HPSE2: variants seen among roughly 807,000 people sequenced by gnomAD.
The protein encoded by HPSE2 is inactive heparanase-2.
In HPSE2, 38 loss-of-function variants were observed where a neutral mutation model predicts 60.5. The ratio of observed to expected loss-of-function variants is 0.63; its 90% CI spans 0.48 to 0.82. The LOEUF is 0.82. HPSE2 is among the 40% of genes least tolerant of loss of function. The probability of loss-of-function intolerance (pLI) is 0.00; values close to 1 mark genes in which losing one functional copy is unlikely to be tolerated. For synonymous variants in HPSE2, 295 were observed against 293.2 expected (o/e 1.01, Z -0.06); for missense variants, 713 against 740.4 (o/e 0.96, Z 0.43).
At chr10:99,023,245 G>A (rs565631322) in intron 3 of HPSE2, among the ~76,000 whole-genome samples, 21 of 152,246 alleles carry the variant, frequency 1.4e-4, no homozygotes, top group African/African-American at 5.1e-4. Flanking sequence ...GGTGGCTATG[G>A]GGTGAGGCTC....
At chr10:98,653,573 C>T (rs959960523) in intron 6 of HPSE2, among the ~76,000 whole-genome samples, 9 of 151,698 alleles carry the variant, frequency 5.9e-5, no homozygotes, top group East Asian at 5.8e-4. Context: ...TAATGAATCT[C>T]GGTGTATCTT....
chr10:98,998,970 A>T (rs1222115996), intron 3 of HPSE2, among the ~76,000 whole-genome samples: 3 of 152,212 alleles, frequency 2.0e-5, no homozygotes, highest in Admixed American at 2.0e-4. Context: ...ATAAGGCTGG[A>T]ATTACATTTA....
chr10:98,476,359 A>C (rs1376972277), intron 11 of HPSE2, among the ~76,000 whole-genome samples: 4 of 147,190 alleles, frequency 2.7e-5, no homozygotes, highest in Non-Finnish European at 4.5e-5. Flanking sequence ...ATTAGGAGAT[A>C]TACCTAATGC....
chr10:99,046,085 C>T (rs1186189917), intron 3 of HPSE2, among the ~76,000 whole-genome samples: 1 of 151,914 alleles, frequency 6.6e-6, no homozygotes, highest in African/African-American at 2.4e-5. Flanking sequence ...TCCTCAATGA[C>T]ATACTAACAA....
At chr10:98,523,214 T>C (rs773424273) in intron 9 of HPSE2, among the ~76,000 whole-genome samples, 28 of 152,252 alleles carry the variant, frequency 1.8e-4, no homozygotes, top group South Asian at 4.1e-4. Context: ...ACTTTGCCAA[T>C]TTATATTCTT....
chr10:98,816,394 A>AT (rs1951290853), intron 3 of HPSE2, among the ~76,000 whole-genome samples: 3 of 152,176 alleles, frequency 2.0e-5, no homozygotes, highest in African/African-American at 7.2e-5. Context: ...CAACAGCAGC[A>AT]TAAACGATGG....
chr10:98,562,901 T>A (rs477950), intron 9 of HPSE2, among the ~76,000 whole-genome samples: 2 of 151,902 alleles, frequency 1.3e-5, no homozygotes, highest in African/African-American at 4.8e-5. Context: ...AGGTTTGATA[T>A]AGCAAATCTG....
chr10:98,662,079 G>C (rs1231039212), intron 6 of HPSE2, among the ~76,000 whole-genome samples: 1 of 152,104 alleles, frequency 6.6e-6, no homozygotes, highest in African/African-American at 2.4e-5. Flanking sequence ...TATTTTAGTA[G>C]AGACAGGGTT....
intron 4 of HPSE2, among the ~76,000 whole-genome samples, chr10:98,728,842 TACG>T (rs1160196046): frequency 9.2e-5 from 14 of 151,724 alleles, no homozygotes; most frequent in Non-Finnish European, 1.8e-4. Context: ...ACCCCATGTC[TACG>T]AAAAATTTTA....
chr10:98,845,651 C>T (rs1365982504), intron 3 of HPSE2, among the ~76,000 whole-genome samples: 1 of 152,036 alleles, frequency 6.6e-6, no homozygotes, highest in Non-Finnish European at 1.5e-5. Flanking sequence ...GTTCACTTGT[C>T]TTGTTTTGTT....
chr10:98,989,657 A>AG (rs1956473998), intron 3 of HPSE2, among the ~76,000 whole-genome samples: 1 of 113,340 alleles, frequency 8.8e-6, no homozygotes, highest in Non-Finnish European at 2.1e-5. Context: ...AAAAAAAAAA[A>AG]AGAAAAAAAA....
At chr10:99,067,462 A>T (rs1022863887) in intron 3 of HPSE2, among the ~76,000 whole-genome samples, 1 of 152,030 alleles carries the variant, frequency 6.6e-6, no homozygotes, top group Non-Finnish European at 1.5e-5. Flanking sequence ...CTTTCCATAC[A>T]TCCTCTGAAA....
At chr10:98,595,477 A>G (rs1945208368) in intron 9 of HPSE2, among the ~76,000 whole-genome samples, 1 of 152,016 alleles carries the variant, frequency 6.6e-6, no homozygotes, top group Non-Finnish European at 1.5e-5. Flanking sequence ...GCCAAATGAG[A>G]TTATTTTCTT....
rs1330189914 is a variant in HPSE2, at chr10:98,939,615, A to T, written c.611-195559T>A. Reference sequence around the variant, plus strand: ...GAGTGACCTACAAAGAGACTTAGACACCCACACAATAATAATGGGAGATTT... The same window carrying T: ...GAGTGACCTACAAAGAGACTTAGACTCCCACACAATAATAATGGGAGATTT... On this transcript the variant is annotated intron_variant, in intron 3 of 11. Coordinates refer to ENST00000370552, the MANE Select transcript of HPSE2 (RefSeq NM_021828.5). 9.2e-4 allele frequency among the ~76,000 whole-genome samples: 132 copies of T among 143,380 alleles called. 27 individuals carry two copies. Among genetic ancestry groups the T allele is most frequent in the African/African-American group, 3.5e-3 (124 of 35,088 alleles). 94.1% of individuals were successfully genotyped at this position (143,380 alleles called of 152,430 possible).
chr10:99,280,212 A>C, the HPSE2 span, among the ~76,000 whole-genome samples: 1 of 152,194 alleles, frequency 6.6e-6, no homozygotes, highest in Non-Finnish European at 1.5e-5. Flanking sequence ...CTCATGAGGC[A>C]AGAGCTAAGG....
chr10:99,296,342 C>T, the HPSE2 span, among the ~76,000 whole-genome samples: 2 of 152,192 alleles, frequency 1.3e-5, no homozygotes, highest in Non-Finnish European at 2.9e-5. Context: ...GTGGAAGCAG[C>T]TTTCAATCAG....
At chr10:98,904,040 G>A (rs892131581) in intron 3 of HPSE2, among the ~76,000 whole-genome samples, 5 of 152,056 alleles carry the variant, frequency 3.3e-5, no homozygotes, top group Non-Finnish European at 5.9e-5. Flanking sequence ...GGGTTATTGT[G>A]ATAATTAAAT....
chr10:98,767,324 T>C (rs1950142743), intron 3 of HPSE2, among the ~76,000 whole-genome samples: 1 of 152,022 alleles, frequency 6.6e-6, no homozygotes, highest in African/African-American at 2.4e-5. Context: ...CAGAGTTACA[T>C]GTATTAACAG....
chr10:98,573,290 A>T (rs1944550540), intron 9 of HPSE2, among the ~76,000 whole-genome samples: 1 of 152,240 alleles, frequency 6.6e-6, no homozygotes, highest in Admixed American at 6.5e-5. Context: ...TCTGGAACTC[A>T]CTTCTATTGT....
Sources: allele counts gnomAD v4.1 joint callset (sites outside exome capture counted in the v4.1 genomes callset), GRCh38; gene constraint gnomAD v4.1.1; transcripts MANE v1.5; gene names NCBI Gene and HGNC (gene_info 2026-07-23, HGNC 2026-07-21).